Variants in FBXL19 observed in about 807,000 individuals in gnomAD.
The protein encoded by FBXL19 is F-box and leucine rich repeat protein 19.
Under a neutral mutation model 71.2 loss-of-function variants are expected in FBXL19, and 16 were observed. The observed-to-expected ratio is 0.22, with a 90% CI of 0.15 to 0.34. The LOEUF (loss-of-function observed/expected upper bound fraction) is 0.34. FBXL19 is among the 10% of genes least tolerant of loss of function. The pLI is 1.00. For synonymous variants in FBXL19, 447 were observed against 409.4 expected, an observed-to-expected ratio of 1.09 and a Z score of -1.11; for missense variants, 658 against 968.2, an observed-to-expected ratio of 0.68 and a Z score of 4.25.
chr16:30,930,624 G>A lies in FBXL19; in HGVS notation c.1301+40G>A, dbSNP rs2055662451. 6 of 1,401,380 alleles carry A rather than the reference G, an allele frequency of 4.3e-6. No individual in the cohort carries two copies. The highest frequency in any genetic ancestry group is 3.3e-5 in the South Asian group (2 of 61,078). 86.8% of individuals were successfully genotyped at this position (1,401,380 alleles called of 1,614,324 possible). A position where few individuals can be genotyped will look rare whatever the true frequency, so the allele number is the denominator to read the frequency against. Reference sequence around the variant, plus strand: ...CAGGCCTGCGTTCCGTGGCCAGCAGGCTTCCCGCTTGCTGGGTGACCTGCG... The same window carrying A: ...CAGGCCTGCGTTCCGTGGCCAGCAGACTTCCCGCTTGCTGGGTGACCTGCG... On this transcript the variant is annotated intron_variant, in intron 7 of 10. Transcript: ENST00000338343. This position sits in a 1 kb window ranked among gnomAD's most constrained non-coding sequence, Gnocchi z 8.5.
At chr16:30,938,952 T>C (rs1224829486) in intron 7 of FBXL19, among the ~76,000 whole-genome samples, 2 of 151,932 alleles carry the variant, frequency 1.3e-5, no homozygotes, top group African/African-American at 2.4e-5. Context: ...GGGTGCTTTT[T>C]CTAACACTTC....
chr16:30,928,411 C>T, intron 5 of FBXL19, 56 bp from the exon 6 acceptor site: 13 of 1,465,668 alleles, frequency 8.9e-6, no homozygotes, highest in Non-Finnish European at 1.2e-5. Context: ...ATTTCTGGCC[C>T]ATGAGGGCCT....
rs2055882932 is a variant in FBXL19 at position 30,948,077 on chromosome 16, G to T, written c.*847G>T. On this transcript the variant is annotated 3_prime_UTR_variant, in exon 11 of 11. Coordinates refer to ENST00000338343, the MANE Select transcript of FBXL19 (RefSeq NM_001382779.1). The stretch of plus-strand genomic sequence containing the variant: ...GACCTGGGGGAGCCGGGGTGTGAGG[G>T]GACTGGACCAGCTTGGACTGAGACC... 2 of 292,124 alleles carry T rather than the reference G, an allele frequency of 6.8e-6. No homozygotes were observed. Among genetic ancestry groups the T allele is most frequent in the Admixed American group, 9.0e-5 (2 of 22,298 alleles). 18.1% of individuals were successfully genotyped at this position (292,124 alleles called of 1,614,324 possible). A position where few individuals can be genotyped will look rare whatever the true frequency, so the allele number is the denominator to read the frequency against.
At chr16:30,933,495 G>T (rs2055697744) in intron 7 of FBXL19, among the ~76,000 whole-genome samples, 1 of 151,702 alleles carries the variant, frequency 6.6e-6, no homozygotes, top group South Asian at 2.1e-4. Context: ...TGTTGCCCAG[G>T]CTGGAGTACA....
At chr16:30,933,591 A>G (rs2055698708) in intron 7 of FBXL19, among the ~76,000 whole-genome samples, 1 of 152,026 alleles carries the variant, frequency 6.6e-6, no homozygotes, top group South Asian at 2.1e-4. Flanking sequence ...CTGGGATTGC[A>G]GGCACATGCC....
rs2143293222 is a variant in FBXL19 at position 30,923,650 on chromosome 16, G to A, written c.-834G>A. Among the ~76,000 whole-genome samples, 1 of 151,806 alleles carries A rather than the reference G, an allele frequency of 6.6e-6. No homozygotes were observed. Among genetic ancestry groups the A allele is most frequent in the Non-Finnish European group, 1.5e-5 (1 of 67,810 alleles). ...CCCCGGGCCGTAGCAGCGCGGGGCT[G>A]GGGGACCAGGGGGGCTGAGACACCC... On this transcript the variant is annotated 5_prime_UTR_variant, in exon 1 of 11. Coordinates refer to ENST00000338343, the MANE Select transcript of FBXL19 (RefSeq NM_001382779.1).
rs780565676 is a variant in FBXL19, at chr16:30,928,450, C to T, written c.628-17C>T. The T allele has an allele frequency of 2.7e-5, 42 of 1,547,790 alleles. 1 individual carries two copies. In the South Asian group the frequency reaches 4.7e-4, roughly 17 times the overall value. On this transcript the variant is annotated splice_polypyrimidine_tract_variant and intron_variant, in intron 5 of 10. Coordinates refer to ENST00000338343, the MANE Select transcript of FBXL19 (RefSeq NM_001382779.1). The stretch of plus-strand genomic sequence containing the variant: ...GGGGTCTCTCCCTTCCTCCATATCT[C>T]CCTCTCACCCTGGTAGGTGAAAGGA...
intron 7 of FBXL19, among the ~76,000 whole-genome samples, chr16:30,939,200 T>C (rs921912367): frequency 1.9e-4 from 29 of 150,568 alleles, no homozygotes; most frequent in African/African-American, 6.6e-4. Context: ...GCCTCCCAAG[T>C]AGCTGGGACT....
chr16:30,947,548 G>A lies in FBXL19; in HGVS notation c.*318G>A. The stretch of plus-strand genomic sequence containing the variant: ...GGGGGGTTATGGTGCAAGTGTTGGG[G>A]GGGAGAATGGGGAAAGGACACACAC... On this transcript the variant is annotated 3_prime_UTR_variant, in exon 11 of 11. Coordinates refer to ENST00000338343, the MANE Select transcript of FBXL19 (RefSeq NM_001382779.1). The A allele has an allele frequency of 2.7e-6, 1 of 366,082 alleles. No homozygotes were observed. The highest frequency in any genetic ancestry group is 5.2e-6 in the Non-Finnish European group (1 of 194,044). 22.7% of individuals were successfully genotyped at this position (366,082 alleles called of 1,614,324 possible). A position where few individuals can be genotyped will look rare whatever the true frequency, so the allele number is the denominator to read the frequency against.
At position 30,946,726 on chromosome 16, in the gene FBXL19, C is replaced by T. The variant is rs372524200; in HGVS notation, c.1628-4C>T. 2.5e-6 allele frequency: 4 copies of T among 1,611,220 alleles called. No individual in the cohort carries two copies. Among genetic ancestry groups the T allele is most frequent in the Non-Finnish European group, 2.5e-6 (3 of 1,179,236 alleles). ...GAGTGCTGACCTCTCATCTGGCTGCCCAGGGCAAACAGAGAGCCGTGGTCG... is the reference window on the plus strand; with the variant it reads ...GAGTGCTGACCTCTCATCTGGCTGCTCAGGGCAAACAGAGAGCCGTGGTCG... On this transcript the variant is annotated splice_polypyrimidine_tract_variant and splice_region_variant and intron_variant, in intron 9 of 10. Transcript: ENST00000338343. This position sits in a 1 kb window ranked among gnomAD's most constrained non-coding sequence, Gnocchi z 6.7.
chr16:30,947,546 G>T lies in FBXL19; in HGVS notation c.*316G>T, dbSNP rs374646348. 52 of 373,404 alleles carry T rather than the reference G, an allele frequency of 1.4e-4. 1 individual carries two copies. The highest frequency in any genetic ancestry group is 4.9e-4 in the Admixed American group (12 of 24,516). 23.1% of individuals were successfully genotyped at this position (373,404 alleles called of 1,614,324 possible). A position where few individuals can be genotyped will look rare whatever the true frequency, so the allele number is the denominator to read the frequency against. ...GAGGGGGGTTATGGTGCAAGTGTTGGGGGGGAGAATGGGGAAAGGACACAC... is the reference window on the plus strand; with the variant it reads ...GAGGGGGGTTATGGTGCAAGTGTTGTGGGGGAGAATGGGGAAAGGACACAC... On this transcript the variant is annotated 3_prime_UTR_variant, in exon 11 of 11. Transcript: ENST00000338343.
chr16:30,925,506 A>G lies in FBXL19; in HGVS notation c.-24-225A>G, dbSNP rs1427522938. ...AGGGAAGGGACCCTGAGGAGGCGGT[A>G]GAGGAGCGAGGCCAGGAAGCAGTTC... On this transcript the variant is annotated intron_variant, in intron 1 of 10. Coordinates refer to ENST00000338343, the MANE Select transcript of FBXL19 (RefSeq NM_001382779.1). The surrounding 1 kb of genome is among the most constrained non-coding windows in gnomAD (Gnocchi z 5.0). 2.3e-6 allele frequency: 1 copy of G among 436,670 alleles called. No homozygotes were observed. Among genetic ancestry groups the G allele is most frequent in the Middle Eastern group, 6.2e-4 (1 of 1,616 alleles). The allele number at this position is 436,670 out of a possible 1,614,324, so 27.0% of individuals were successfully genotyped here. A position where few individuals can be genotyped will look rare whatever the true frequency, so the allele number is the denominator to read the frequency against.
intron 7 of FBXL19, among the ~76,000 whole-genome samples, chr16:30,938,194 G>A (rs11640534): frequency 0.53 from 81,135 of 151,780 alleles, 24,137 homozygotes; most frequent in East Asian, 0.91. Context: ...TGAAGCCTTG[G>A]TGTCTGTGCC....
intron 2 of FBXL19, 78 bp from the exon 3 acceptor site, chr16:30,927,230 G>A: frequency 6.9e-7 from 1 of 1,440,498 alleles, no homozygotes; most frequent in Non-Finnish European, 9.2e-7. Context: ...TCCGTCACCT[G>A]GCCAGGGTCC....
chr16:30,924,700 C>T (rs1333571550), intron 1 of FBXL19: 1 of 1,487,266 alleles, frequency 6.7e-7, no homozygotes, highest in African/African-American at 1.5e-5. Context: ...AGGCCCCTCC[C>T]CTGGAGCGCT....
At chr16:30,940,435 A>G (rs887435994) in intron 7 of FBXL19, among the ~76,000 whole-genome samples, 5 of 151,876 alleles carry the variant, frequency 3.3e-5, no homozygotes, top group Middle Eastern at 3.4e-3. Context: ...AAAAAAAAAA[A>G]AGCTTCCTGG....
intron 7 of FBXL19, among the ~76,000 whole-genome samples, chr16:30,940,286 G>A (rs1486015182): frequency 6.6e-6 from 1 of 151,722 alleles, no homozygotes; most frequent in Non-Finnish European, 1.5e-5. Context: ...CAGGTGTGGT[G>A]GCATGTGCCT....
chr16:30,927,814 T>C lies in FBXL19; in HGVS notation c.478T>C (p.Trp160Arg). Residue 160 changes from tryptophan (W) to arginine (R), a missense_variant, in exon 5 of 11, where the codon TGG becomes CGG. Around this residue, in one of 8 missense-constraint regions of FBXL19, gnomAD observed 447 missense variants for 515.4 expected, o/e 0.87. Transcript: ENST00000338343. ...GGAGGGCGCCAGCTTGGGGAGCGGA[T>C]GGAAGCTGACAGAGGAGCCACCGCT... ...GEEGASLGSG[W>R]KLTEEPPLPP... is the part of the protein sequence containing the mutation. 1 of 1,550,474 alleles carries C rather than the reference T, an allele frequency of 6.4e-7. No individual in the cohort carries two copies. Among genetic ancestry groups the C allele is most frequent in the African/African-American group, 1.4e-5 (1 of 73,164 alleles).
rs1251505674 is a variant in FBXL19 at position 30,943,405 on chromosome 16, T to C, written c.1627+869T>C. 3.3e-4 allele frequency among the ~76,000 whole-genome samples: 45 copies of C among 134,556 alleles called. 1 individual carries two copies. Among genetic ancestry groups the C allele is most frequent in the Non-Finnish European group, 1.6e-4 (10 of 63,362 alleles). The allele number at this position is 134,556 out of a possible 152,430, so 88.3% of individuals were successfully genotyped here. ...TTTTTTTTTTTTTGAGGTGAAGTCT[T>C]GCTCTGTCGCCCAGGCTGGAGTGCA... On this transcript the variant is annotated intron_variant, in intron 9 of 10. Coordinates refer to ENST00000338343, the MANE Select transcript of FBXL19 (RefSeq NM_001382779.1).
Sources: allele counts gnomAD v4.1 joint callset (sites outside exome capture counted in the v4.1 genomes callset), GRCh38; gene constraint gnomAD v4.1.1; regional missense constraint gnomAD v4.1.1; non-coding constraint Gnocchi (gnomAD v3.1); transcripts MANE v1.5; gene names NCBI Gene and HGNC (gene_info 2026-07-23, HGNC 2026-07-21).